NTM: variants seen among roughly 807,000 people sequenced by gnomAD.
The protein encoded by NTM is neurotrimin.
Under a neutral mutation model 42.1 loss-of-function variants are expected in NTM, and 13 were observed. That is an observed-to-expected ratio of 0.31 (90% CI 0.20 to 0.49). The LOEUF is 0.49. Ranked by LOEUF, NTM falls within the 20% of genes least tolerant of loss-of-function variation. The pLI is 0.99. For synonymous variants in NTM, 187 were observed against 179.2 expected (o/e 1.04, Z -0.35); for missense variants, 373 against 452.8 (o/e 0.82, Z 1.60).
chr11:131,741,976 A>G (rs1220198127), intron 1 of NTM, among the ~76,000 whole-genome samples: 1 of 152,252 alleles, frequency 6.6e-6, no homozygotes, highest in Non-Finnish European at 1.5e-5. Flanking sequence ...ACACAGGAAC[A>G]GAAAACCAAA....
intron 1 of NTM, among the ~76,000 whole-genome samples, chr11:131,495,163 C>A (rs11601304): frequency 0.25 from 38,241 of 151,992 alleles, 5,686 homozygotes; most frequent in Non-Finnish European, 0.33. Context: ...TCTCCACTTT[C>A]ACTGTTTTTG....
chr11:131,973,221 T>C (rs917230205), intron 2 of NTM, among the ~76,000 whole-genome samples: 5 of 152,204 alleles, frequency 3.3e-5, no homozygotes, highest in African/African-American at 9.7e-5. Flanking sequence ...ATATCACCTC[T>C]AATCCTTTTT....
chr11:131,490,753 T>G (rs780292275), intron 1 of NTM, among the ~76,000 whole-genome samples: 1 of 152,232 alleles, frequency 6.6e-6, no homozygotes, highest in Non-Finnish European at 1.5e-5. Context: ...GGACTTCCAT[T>G]GCTTTTAACC....
At chr11:132,259,536 C>A (rs1403833864) in intron 4 of NTM, among the ~76,000 whole-genome samples, 1 of 151,764 alleles carries the variant, frequency 6.6e-6, no homozygotes. Context: ...AAAAATTAGC[C>A]TGGCGTGGTG....
At position 132,273,441 on chromosome 11, in the gene NTM, A is replaced by G. The variant is rs1300222972; in HGVS notation, c.527-34248A>G. 8.6e-5 allele frequency among the ~76,000 whole-genome samples: 13 copies of G among 150,980 alleles called. No individual in the cohort carries two copies. In the Admixed American group the frequency reaches 8.6e-4, roughly 10 times the overall value. On this transcript the variant is annotated intron_variant, in intron 4 of 8. Coordinates refer to ENST00000683400, the MANE Select transcript of NTM (RefSeq NM_001352005.2). Reference sequence around the variant, plus strand: ...ATTAGGGTAATACTAGCTGCATACAATGGGTTGAGACGTATCCTCTACTAT... The same window carrying G: ...ATTAGGGTAATACTAGCTGCATACAGTGGGTTGAGACGTATCCTCTACTAT...
chr11:132,321,402 T>C lies in NTM; in HGVS notation c.934+6699T>C, dbSNP rs369499278. Among the ~76,000 whole-genome samples the C allele has an allele frequency of 2.7e-4, 41 of 152,244 alleles. 1 individual carries two copies. The highest frequency in any genetic ancestry group is 6.8e-3 in the Middle Eastern group (2 of 292). ...AATGCAGAAGCCTCAGGAGCCGATG[T>C]GATCAACTGGAAGAAAGGGTATCAG... On this transcript the variant is annotated intron_variant, in intron 7 of 8. Coordinates refer to ENST00000683400, the MANE Select transcript of NTM (RefSeq NM_001352005.2).
chr11:131,373,787 G>T (rs1028693656), intron 1 of NTM, among the ~76,000 whole-genome samples: 5 of 152,162 alleles, frequency 3.3e-5, no homozygotes, highest in Admixed American at 2.0e-4. Context: ...TGCTTGGCTA[G>T]GTTCCTCTCT....
At chr11:132,206,388 T>C (rs551832715) in intron 3 of NTM, among the ~76,000 whole-genome samples, 1 of 152,352 alleles carries the variant, frequency 6.6e-6, no homozygotes, top group South Asian at 2.1e-4. Context: ...CTGTCCATTC[T>C]GTGTTGACAC....
chr11:132,090,688 TTTCTTCCCC>T (rs113800815), intron 2 of NTM, among the ~76,000 whole-genome samples: 17,446 of 152,048 alleles, frequency 0.11, 1,141 homozygotes, highest in Middle Eastern at 0.21. Context: ...CTTTCTTCAC[TTTCTTCCCC>T]TTCTTCCCCA....
At chr11:131,909,302 G>A (rs1008973412) in intron 1 of NTM, among the ~76,000 whole-genome samples, 9 of 152,128 alleles carry the variant, frequency 5.9e-5, no homozygotes, top group African/African-American at 1.7e-4. Flanking sequence ...CCTCTCCAAC[G>A]TGGTATCTAC....
intron 1 of NTM, among the ~76,000 whole-genome samples, chr11:131,406,564 C>T (rs574159566): frequency 1.3e-5 from 2 of 152,260 alleles, no homozygotes; most frequent in Admixed American, 1.3e-4. Flanking sequence ...TATTTTTCCT[C>T]TTATACATCC....
intron 1 of NTM, among the ~76,000 whole-genome samples, chr11:131,819,735 G>GA (rs2093102217): frequency 6.6e-6 from 1 of 152,160 alleles, no homozygotes; most frequent in South Asian, 2.1e-4. Flanking sequence ...CCATGGGATG[G>GA]AAACACGTCC....
intron 4 of NTM, among the ~76,000 whole-genome samples, chr11:132,249,499 A>G (rs2091675731): frequency 6.6e-6 from 1 of 152,204 alleles, no homozygotes; most frequent in African/African-American, 2.4e-5. Flanking sequence ...TCCTTGTGTG[A>G]TGCCCAGAAG....
intron 1 of NTM, among the ~76,000 whole-genome samples, chr11:131,634,307 C>T (rs1159030177): frequency 1.3e-5 from 2 of 152,000 alleles, no homozygotes; most frequent in East Asian, 3.9e-4. Context: ...GTTAACTATA[C>T]TGCAGACGGC....
chr11:131,551,040 T>C (rs2054597451), intron 1 of NTM, among the ~76,000 whole-genome samples: 1 of 152,198 alleles, frequency 6.6e-6, no homozygotes. Flanking sequence ...TATGTTATTT[T>C]ATTTGTTTTT....
At chr11:131,866,203 G>A (rs1337918242) in intron 1 of NTM, among the ~76,000 whole-genome samples, 4 of 152,060 alleles carry the variant, frequency 2.6e-5, no homozygotes, top group Non-Finnish European at 4.4e-5. Flanking sequence ...CCCTCATGCT[G>A]CACACACACA....
chr11:131,431,495 C>T (rs900827796), intron 1 of NTM, among the ~76,000 whole-genome samples: 1 of 152,160 alleles, frequency 6.6e-6, no homozygotes, highest in African/African-American at 2.4e-5. Context: ...ACCCAGTGCC[C>T]ACCTCTGCAT....
chr11:131,581,189 C>T (rs1289818964), intron 1 of NTM, among the ~76,000 whole-genome samples: 1 of 152,222 alleles, frequency 6.6e-6, no homozygotes, highest in Non-Finnish European at 1.5e-5. Context: ...CCTTGGTGGG[C>T]GGAGCCCACT....
intron 1 of NTM, among the ~76,000 whole-genome samples, chr11:131,734,382 TAGTG>T (rs1432771281): frequency 6.6e-6 from 1 of 152,318 alleles, no homozygotes; most frequent in Non-Finnish European, 1.5e-5. Flanking sequence ...TTTTTCTACT[TAGTG>T]AGTCTTTTCT....
Sources: allele counts gnomAD v4.1 joint callset (sites outside exome capture counted in the v4.1 genomes callset), GRCh38; gene constraint gnomAD v4.1.1; transcripts MANE v1.5; gene names NCBI Gene and HGNC (gene_info 2026-07-23, HGNC 2026-07-21).